Variants in NGEF observed in about 807,000 individuals in gnomAD.
NGEF encodes the protein neuronal guanine nucleotide exchange factor.
A neutral mutation model predicts 80.9 loss-of-function variants in NGEF; 31 were observed. The observed-to-expected ratio is 0.38, with a 90% CI of 0.29 to 0.52. The LOEUF (loss-of-function observed/expected upper bound fraction) is 0.52, where lower values mean the gene tolerates loss of function less well. NGEF is among the 20% of genes least tolerant of loss of function. The pLI is 0.84. For missense variants in NGEF, 709 were observed against 926.2 expected (o/e 0.77, Z 3.04); for synonymous variants, 371 against 370.2 (o/e 1.00, Z -0.03).
chr2:232,896,701 GGGGTGGGGGT>G (rs1692087313), intron 5 of NGEF, among the ~76,000 whole-genome samples: 1 of 26,586 alleles, frequency 3.8e-5, no homozygotes. Flanking sequence ...GGTGGGGGTA[GGGGTGGGGGT>G]AGGGGTGAGT....
Position 232,894,812 on chromosome 2 carries a change from C to CGGGTGCAG in NGEF, c.925_932dup (p.Ser312CysfsTer82). ...TGGAGAAGAGGATGTGCGCCTCGGA[C>CGGGTGCAG]GGGTGCAGGATCTTCCTTATCCGCT... On this transcript the variant is annotated frameshift_variant, in exon 6 of 15. Coordinates refer to ENST00000264051, the MANE Select transcript of NGEF (RefSeq NM_019850.3). LOFTEE classifies it high-confidence loss of function. The CGGGTGCAG allele has an allele frequency of 6.2e-7, 1 of 1,611,416 alleles. No individual in the cohort carries two copies. The highest frequency in any genetic ancestry group is 8.5e-7 in the Non-Finnish European group (1 of 1,178,774).
chr2:232,929,686 G>T (rs771394248), intron 3 of NGEF, among the ~76,000 whole-genome samples: 1 of 152,180 alleles, frequency 6.6e-6, no homozygotes, highest in Non-Finnish European at 1.5e-5. Flanking sequence ...CCTGCCCTTA[G>T]TGTGTTGCTC....
chr2:232,988,061 G>A (rs926647633), intron 1 of NGEF, among the ~76,000 whole-genome samples: 1 of 151,846 alleles, frequency 6.6e-6, no homozygotes, highest in African/African-American at 2.4e-5. Flanking sequence ...GTGTGTGTGT[G>A]TGTGTGTGTG....
At position 232,885,324 on chromosome 2, in the gene NGEF, C is replaced by G. The variant is rs1439321668; in HGVS notation, c.1393G>C (p.Glu465Gln). Reference protein sequence around the residue: ...NEGVRKMSRTEQMISIQKKME... With the variant: ...NEGVRKMSRTQQMISIQKKME... Reference sequence around the variant, plus strand: ...TTCTTCTGAATGCTGATCATCTGTTCCGTGCGGCTCATTTTCCTGACGCCC... The same window carrying G: ...TTCTTCTGAATGCTGATCATCTGTTGCGTGCGGCTCATTTTCCTGACGCCC... The change falls in exon 10 of 15, where the codon GAA (glutamate) becomes CAA (glutamine). Residue 465 changes from glutamate to glutamine, a missense_variant. Around this residue, in one of 2 missense-constraint regions of NGEF, gnomAD observed 426 missense variants for 622.9 expected, o/e 0.68. Coordinates refer to ENST00000264051, the MANE Select transcript of NGEF (RefSeq NM_019850.3). 1 of 1,614,178 alleles carries G rather than the reference C, an allele frequency of 6.2e-7. No homozygotes were observed. The highest frequency in any genetic ancestry group is 1.3e-5 in the African/African-American group (1 of 75,072).
At chr2:232,953,743 G>A (rs947387476) in intron 3 of NGEF, among the ~76,000 whole-genome samples, 2 of 152,076 alleles carry the variant, frequency 1.3e-5, no homozygotes, top group Non-Finnish European at 2.9e-5. Context: ...TTTCCAGGAG[G>A]AACGCAGAGG....
chr2:232,949,549 C>T (rs1693633906), intron 3 of NGEF, among the ~76,000 whole-genome samples: 1 of 151,492 alleles, frequency 6.6e-6, no homozygotes, highest in Non-Finnish European at 1.5e-5. Flanking sequence ...GCGATCTCGG[C>T]TCACTGCAAC....
intron 3 of NGEF, among the ~76,000 whole-genome samples, chr2:232,936,793 A>C (rs965142668): frequency 2.6e-5 from 4 of 152,164 alleles, no homozygotes; most frequent in African/African-American, 4.8e-5. Flanking sequence ...CACCGTAATA[A>C]ACTGTAATGG....
intron 3 of NGEF, among the ~76,000 whole-genome samples, chr2:232,956,255 G>A (rs557848483): frequency 2.6e-5 from 4 of 152,240 alleles, no homozygotes; most frequent in African/African-American, 7.2e-5. Context: ...CAGAACAGGT[G>A]GGGTTTTGAG....
chr2:232,896,720 GT>G (rs1692091861), intron 5 of NGEF, among the ~76,000 whole-genome samples: 1 of 49,502 alleles, frequency 2.0e-5, no homozygotes, highest in African/African-American at 9.7e-5. Context: ...GTAGGGGTGA[GT>G]GCAAAAGTAG....
intron 1 of NGEF, among the ~76,000 whole-genome samples, chr2:232,994,722 G>GA (rs1414002283): frequency 2.6e-5 from 4 of 152,048 alleles, no homozygotes; most frequent in Non-Finnish European, 4.4e-5. Flanking sequence ...TGTCTTGCAG[G>GA]GAGGACAAAT....
chr2:232,993,439 G>A (rs190458000), intron 1 of NGEF, among the ~76,000 whole-genome samples: 18 of 151,890 alleles, frequency 1.2e-4, no homozygotes, highest in Non-Finnish European at 2.2e-4. Flanking sequence ...TGAGGATGTG[G>A]GGAAATTGGA....
chr2:232,880,875 G>A (rs1407229815), intron 14 of NGEF, among the ~76,000 whole-genome samples: 1 of 152,222 alleles, frequency 6.6e-6, no homozygotes, highest in Non-Finnish European at 1.5e-5. Flanking sequence ...GAAGCCACCC[G>A]CTTGGGCTGG....
rs1284245168 is a variant in NGEF at position 232,939,614 on chromosome 2, T to C, written c.384-12428A>G. On this transcript the variant is annotated intron_variant, in intron 3 of 14. Coordinates refer to ENST00000264051, the MANE Select transcript of NGEF (RefSeq NM_019850.3). ...AAGCTAGTATGTAATATGAAAACTT[T>C]ACATTACCTATTGAAACAGAAACAA... 2.6e-5 allele frequency among the ~76,000 whole-genome samples: 4 copies of C among 152,222 alleles called. No homozygotes were observed. In the East Asian group the frequency reaches 7.7e-4, roughly 29 times the overall value.
intron 14 of NGEF, 78 bp from the exon 15 acceptor site, chr2:232,879,757 G>A (rs947545614): frequency 3.5e-5 from 50 of 1,409,224 alleles, no homozygotes; most frequent in Non-Finnish European, 9.7e-7. Context: ...CCTGGCCAGG[G>A]CCCCCATCTG....
chr2:232,928,664 G>C (rs1036299118), intron 3 of NGEF, among the ~76,000 whole-genome samples: 2 of 152,162 alleles, frequency 1.3e-5, no homozygotes, highest in Non-Finnish European at 2.9e-5. Flanking sequence ...CCGCTCCTGA[G>C]CCTCGCGGTG....
chr2:232,947,733 C>T (rs1348464727), intron 3 of NGEF, among the ~76,000 whole-genome samples: 1 of 152,104 alleles, frequency 6.6e-6, no homozygotes, highest in African/African-American at 2.4e-5. Context: ...AGTGTGAGAA[C>T]AGACTAATAC....
At chr2:233,001,985 CAGAG>C (rs1223515520) in intron 1 of NGEF, among the ~76,000 whole-genome samples, 1 of 151,962 alleles carries the variant, frequency 6.6e-6, no homozygotes, top group African/African-American at 2.4e-5. Context: ...GCCTGGGCAA[CAGAG>C]AGAGACTCTG....
In NGEF at chr2:232,974,711, C is replaced by T; in HGVS notation, c.180G>A (p.Lys60=). Residue 60 remains lysine, a synonymous_variant, in exon 2 of 15, where the codon AAG becomes AAA. Transcript: ENST00000264051. ...TGGAGCGATTGAAGATGGAATTTCT[C>T]TTAATTGGGATGTGGCAATGAGGCT... ...DKEPHCHIPI[K]RNSIFNRSIR... The T allele has an allele frequency of 6.2e-7, 1 of 1,614,226 alleles. No homozygotes were observed. Among genetic ancestry groups the T allele is most frequent in the Non-Finnish European group, 8.5e-7 (1 of 1,180,040 alleles).
chr2:232,909,457 G>A (rs560768858), intron 5 of NGEF, among the ~76,000 whole-genome samples: 15 of 152,022 alleles, frequency 9.9e-5, no homozygotes, highest in African/African-American at 1.4e-4. Context: ...CTTAATTCAC[G>A]GTGAGACAGA....
Sources: allele counts gnomAD v4.1 joint callset (sites outside exome capture counted in the v4.1 genomes callset), GRCh38; gene constraint gnomAD v4.1.1; regional missense constraint gnomAD v4.1.1; transcripts MANE v1.5; gene names NCBI Gene and HGNC (gene_info 2026-07-23, HGNC 2026-07-21).